Variants in CBL observed in about 807,000 individuals in gnomAD.
The protein encoded by CBL is Cbl proto-oncogene, also known as E3 ubiquitin-protein ligase CBL.
A neutral mutation model predicts 96.9 loss-of-function variants in CBL; 45 were observed. That is an observed-to-expected ratio of 0.46 (90% CI 0.37 to 0.60). The LOEUF is 0.60. Ranked by LOEUF, CBL falls within the 20% of genes least tolerant of loss-of-function variation. The pLI, the probability that CBL is intolerant of heterozygous loss-of-function variation, is 0.00. For synonymous variants in CBL, 420 were observed against 426.8 expected, an observed-to-expected ratio of 0.98 and a Z score of 0.20; for missense variants, 1,024 against 1,143.5, an observed-to-expected ratio of 0.90 and a Z score of 1.51.
rs933547747 is a variant in CBL at position 119,302,873 on chromosome 11, C to G, written c.*3092C>G. 5 of 229,034 alleles carry G rather than the reference C, an allele frequency of 2.2e-5. No individual in the cohort carries two copies. The highest frequency in any genetic ancestry group is 1.1e-4 in the African/African-American group (5 of 44,494). The allele number at this position is 229,034 out of a possible 1,614,324, so 14.2% of individuals were successfully genotyped here. On this transcript the variant is annotated 3_prime_UTR_variant, in exon 16 of 16. Coordinates refer to ENST00000264033, the MANE Select transcript of CBL (RefSeq NM_005188.4). The stretch of plus-strand genomic sequence containing the variant: ...GCCGTTCTCTTCCACTTGCTCGTCT[C>G]CCCCCAGCCCCATTCTGCATAATCT...
At chr11:119,293,063 C>T (rs1188765905) in intron 12 of CBL, among the ~76,000 whole-genome samples, 4 of 151,876 alleles carry the variant, frequency 2.6e-5, no homozygotes, top group African/African-American at 9.7e-5. Context: ...TTTTTAAGTT[C>T]TAGTATTTCC....
At chr11:119,222,211 C>T (rs2135257986) in intron 1 of CBL, among the ~76,000 whole-genome samples, 1 of 152,206 alleles carries the variant, frequency 6.6e-6, no homozygotes, top group Admixed American at 6.5e-5. Flanking sequence ...TGGTTTTCTG[C>T]CTAATTAGAA....
intron 1 of CBL, among the ~76,000 whole-genome samples, chr11:119,228,626 T>C (rs537571048): frequency 1.5e-3 from 219 of 146,174 alleles, no homozygotes; most frequent in African/African-American, 5.3e-3. Context: ...AAAAAGGAAA[T>C]AGGGACAAGG....
chr11:119,244,292 A>G (rs1212561848), intron 2 of CBL, among the ~76,000 whole-genome samples: 1 of 152,196 alleles, frequency 6.6e-6, no homozygotes, highest in African/African-American at 2.4e-5. Flanking sequence ...AGAGCAGTAG[A>G]TCATAAATTA....
intron 2 of CBL, among the ~76,000 whole-genome samples, chr11:119,233,906 G>A (rs937614847): frequency 1.3e-5 from 2 of 152,160 alleles, no homozygotes; most frequent in Non-Finnish European, 2.9e-5. Flanking sequence ...AAAATTTTAT[G>A]CACATGATTA....
At chr11:119,275,945 C>T (rs1949886195) in intron 5 of CBL, 52 bp from the exon 6 acceptor site, 8 of 1,564,926 alleles carry the variant, frequency 5.1e-6, no homozygotes, top group Non-Finnish European at 7.0e-6. Flanking sequence ...CCTTGCCTTC[C>T]ACCGTAATAC....
intron 2 of CBL, among the ~76,000 whole-genome samples, chr11:119,251,722 C>A (rs1188233709): frequency 6.6e-6 from 1 of 152,122 alleles, no homozygotes; most frequent in African/African-American, 2.4e-5. Flanking sequence ...CCCTCCTGCA[C>A]CCACCCCCAA....
chr11:119,294,298 G>A (rs897395684), intron 12 of CBL, among the ~76,000 whole-genome samples: 33 of 150,016 alleles, frequency 2.2e-4, no homozygotes, highest in African/African-American at 8.1e-4. Flanking sequence ...GTGTGGTGGC[G>A]GGTGCCTGTA....
intron 1 of CBL, among the ~76,000 whole-genome samples, chr11:119,220,904 CTT>C (rs141599031): frequency 1.3e-5 from 2 of 149,336 alleles, no homozygotes; most frequent in South Asian, 2.1e-4. Flanking sequence ...AGTGATGACA[CTT>C]TTTTTTTTCC....
chr11:119,266,028 A>AAAAAAAAAAAG, intron 2 of CBL, among the ~76,000 whole-genome samples: 1 of 150,782 alleles, frequency 6.6e-6, no homozygotes, highest in South Asian at 2.2e-4. Flanking sequence ...CAAAAAAAAA[A>AAAAAAAAAAAG]AAAAAAAGAA....
intron 1 of CBL, among the ~76,000 whole-genome samples, chr11:119,228,450 A>G (rs576907469): frequency 1.5e-4 from 23 of 152,160 alleles, no homozygotes; most frequent in Non-Finnish European, 2.6e-4. Context: ...TACTAAAAAT[A>G]CAAAAATTAG....
intron 7 of CBL, 151 bp downstream of exon 7, chr11:119,277,995 A>T: frequency 1.1e-6 from 1 of 890,308 alleles, no homozygotes; most frequent in Non-Finnish European, 1.8e-6. Context: ...CCTGGAGCTT[A>T]AAATAGGACC....
chr11:119,265,853 T>G (rs1464237161), intron 2 of CBL, among the ~76,000 whole-genome samples: 1 of 151,924 alleles, frequency 6.6e-6, no homozygotes, highest in Non-Finnish European at 1.5e-5. Flanking sequence ...AGAAACTCCG[T>G]CTCTACTAAA....
rs1454548384 is a variant in CBL, at chr11:119,287,880, C to T, written c.1970C>T (p.Pro657Leu). Residue 657 changes from proline to leucine, a missense_variant, in exon 12 of 16, where the codon CCA (proline) becomes CTA (leucine). By Grantham distance (98) the Pro-to-Leu change is moderately conservative. This residue lies in a region of CBL where 695 missense variants were observed against 661.6 expected (regional missense o/e 1.05). Coordinates refer to ENST00000264033, the MANE Select transcript of CBL (RefSeq NM_005188.4). ...MSMNSSPLVGPECDHPKIKPS... is the reference protein window; with the variant it reads ...MSMNSSPLVGLECDHPKIKPS... Reference sequence around the variant, plus strand: ...ATGAATAGCAGCCCATTAGTAGGTCCAGAGTGTGACCACCCCAAAATCAAA... The same window carrying T: ...ATGAATAGCAGCCCATTAGTAGGTCTAGAGTGTGACCACCCCAAAATCAAA... 1.2e-6 allele frequency: 2 copies of T among 1,613,294 alleles called. No homozygotes were observed. The highest frequency in any genetic ancestry group is 2.2e-5 in the South Asian group (2 of 91,074).
rs768564444 is a variant in CBL at position 119,210,603 on chromosome 11, A to ATTTTTTT, written c.195+4010_195+4016dup. On this transcript the variant is annotated intron_variant, in intron 1 of 15. Transcript: ENST00000264033. Reference sequence around the variant, plus strand: ...GCCACCACACCTGGCTAATTTTTCAATTTTTTTTTTTTTTTTTTTTTTTTT... The same window carrying ATTTTTTT: ...GCCACCACACCTGGCTAATTTTTCAATTTTTTTTTTTTTTTTTTTTTTTTTTTTTTTT... Among the ~76,000 whole-genome samples the ATTTTTTT allele has an allele frequency of 3.4e-4, 34 of 98,658 alleles. 1 individual carries two copies. The highest frequency in any genetic ancestry group is 1.3e-3 in the African/African-American group (31 of 23,060). 64.7% of individuals were successfully genotyped at this position (98,658 alleles called of 152,430 possible).
rs570948505 is a variant in CBL at position 119,282,938 on chromosome 11, CA to C, written c.1432-2019del. Among the ~76,000 whole-genome samples the C allele has an allele frequency of 6.8e-3, 930 of 137,298 alleles. 9 individuals are homozygous for C. The highest frequency in any genetic ancestry group is 0.057 in the East Asian group (264 of 4,614). 90.1% of individuals were successfully genotyped at this position (137,298 alleles called of 152,430 possible). On this transcript the variant is annotated intron_variant, in intron 9 of 15. Transcript: ENST00000264033. ...GTCTACCCGTGCCTTCCCCGCGCCCCAAAAAAAAAAAAGCCACATGTGGTGG... is the reference window on the plus strand; with the variant it reads ...GTCTACCCGTGCCTTCCCCGCGCCCCAAAAAAAAAAAGCCACATGTGGTGG...
chr11:119,273,570 G>A (rs1488457249), intron 3 of CBL, among the ~76,000 whole-genome samples: 2 of 152,044 alleles, frequency 1.3e-5, no homozygotes, highest in Non-Finnish European at 2.9e-5. Flanking sequence ...AATTAGTCTG[G>A]CTAATTTTGT....
intron 12 of CBL, among the ~76,000 whole-genome samples, chr11:119,294,717 G>A (rs978231939): frequency 1.3e-5 from 2 of 151,580 alleles, no homozygotes; most frequent in Admixed American, 6.6e-5. Flanking sequence ...CTTGAACCTG[G>A]AAGGCAGAGG....
At chr11:119,219,842 C>G (rs1272672047) in intron 1 of CBL, among the ~76,000 whole-genome samples, 1 of 139,710 alleles carries the variant, frequency 7.2e-6, no homozygotes, top group African/African-American at 2.8e-5. Context: ...CACCACCACG[C>G]CCGACTATTT....
Sources: allele counts gnomAD v4.1 joint callset (sites outside exome capture counted in the v4.1 genomes callset), GRCh38; gene constraint gnomAD v4.1.1; regional missense constraint gnomAD v4.1.1; transcripts MANE v1.5; gene names NCBI Gene and HGNC (gene_info 2026-07-23, HGNC 2026-07-21).